Variants in RABGEF1 observed in about 807,000 individuals in gnomAD.
The protein encoded by RABGEF1 is RAB guanine nucleotide exchange factor 1.
A neutral mutation model predicts 57.3 loss-of-function variants in RABGEF1; 26 were observed. That is an observed-to-expected ratio of 0.45 (90% CI 0.33 to 0.63). RABGEF1 has a LOEUF of 0.63. Ranked by LOEUF, RABGEF1 falls within the 20% of genes least tolerant of loss-of-function variation. RABGEF1 has a pLI of 0.02. For synonymous variants in RABGEF1, 185 were observed against 210.7 expected (o/e 0.88, Z 1.06); for missense variants, 464 against 607.6 (o/e 0.76, Z 2.48).
chr7:66,766,837 G>T (rs985163992), intron 1 of RABGEF1, among the ~76,000 whole-genome samples: 1 of 151,848 alleles, frequency 6.6e-6, no homozygotes, highest in African/African-American at 2.4e-5. Context: ...CGATTCTTGT[G>T]CCTCAGCCTC....
chr7:66,749,742 C>T (rs541327124), intron 1 of RABGEF1, among the ~76,000 whole-genome samples: 17 of 152,182 alleles, frequency 1.1e-4, no homozygotes, highest in South Asian at 4.1e-4. Flanking sequence ...GAGGCCAAGG[C>T]GGGCGGATCA....
At chr7:66,807,901 C>T (rs1788779407) in intron 8 of RABGEF1, 1 of 152,120 alleles carries the variant, frequency 6.6e-6, no homozygotes, top group Non-Finnish European at 1.5e-5. Flanking sequence ...GCAATCCTCC[C>T]ACCTCGGCCT....
At chr7:66,734,597 A>ATTT (rs550927387) in intron 2 of RABGEF1, among the ~76,000 whole-genome samples, 11 of 119,710 alleles carry the variant, frequency 9.2e-5, no homozygotes, top group Admixed American at 4.2e-4. Flanking sequence ...TGCCTGGCTA[A>ATTT]TTTTTTTTTT....
At chr7:66,668,770 T>A in the RABGEF1 span, 1 of 152,322 alleles carries the variant, frequency 6.6e-6, no homozygotes, top group Non-Finnish European at 1.5e-5. Flanking sequence ...GAAGATCACC[T>A]CTTAGGCAGA....
upstream of RABGEF1, among the ~76,000 whole-genome samples, chr7:66,680,440 C>T (rs372040491): frequency 7.8e-4 from 119 of 152,056 alleles, no homozygotes; most frequent in African/African-American, 2.8e-3. Flanking sequence ...GACAGGGTTT[C>T]TCTCTGTTGG....
chr7:66,742,078 G>C (rs1249359099), intron 1 of RABGEF1, among the ~76,000 whole-genome samples: 1 of 152,050 alleles, frequency 6.6e-6, no homozygotes. Flanking sequence ...ATGAACCCGG[G>C]AGGCGGAGGT....
intron 2 of RABGEF1, among the ~76,000 whole-genome samples, chr7:66,735,353 A>G (rs977214326): frequency 6.6e-6 from 1 of 152,216 alleles, no homozygotes; most frequent in African/African-American, 2.4e-5. Context: ...TGTTTTATGG[A>G]AGACTTTATA....
At chr7:66,728,143 T>C (rs1796804756) in intron 2 of RABGEF1, among the ~76,000 whole-genome samples, 1 of 152,158 alleles carries the variant, frequency 6.6e-6, no homozygotes, top group Non-Finnish European at 1.5e-5. Flanking sequence ...TTACAATCCT[T>C]CCTGGCTGTG....
chr7:66,747,303 T>C (rs1278177157), intron 1 of RABGEF1, among the ~76,000 whole-genome samples: 1 of 152,228 alleles, frequency 6.6e-6, no homozygotes, highest in Admixed American at 6.5e-5. Context: ...AGCAGATTGC[T>C]GAAATCTCTG....
the RABGEF1 span, among the ~76,000 whole-genome samples, chr7:66,655,174 G>C: frequency 6.6e-6 from 1 of 152,364 alleles, no homozygotes; most frequent in Middle Eastern, 3.4e-3. Context: ...GGGATTTGAA[G>C]CCTGTGGTCC....
At chr7:66,683,997 G>C (rs570588758) in intron 1 of RABGEF1, among the ~76,000 whole-genome samples, 2 of 152,272 alleles carry the variant, frequency 1.3e-5, no homozygotes, top group Admixed American at 6.5e-5. Context: ...CGCCTCAAGT[G>C]TCCCAATGTG....
intron 2 of RABGEF1, among the ~76,000 whole-genome samples, chr7:66,712,823 CT>C (rs199734132): frequency 4.3e-4 from 61 of 140,248 alleles, no homozygotes; most frequent in Admixed American, 4.3e-4. Context: ...ATTTCCTTTC[CT>C]TTTTTTTTTT....
chr7:66,737,432 C>T (rs1016468720), upstream of RABGEF1, among the ~76,000 whole-genome samples: 20 of 148,336 alleles, frequency 1.3e-4, no homozygotes, highest in African/African-American at 4.1e-4. Context: ...CTACGCAATA[C>T]GAGACTGGGT....
chr7:66,663,674 T>C, the RABGEF1 span, among the ~76,000 whole-genome samples: 1 of 150,540 alleles, frequency 6.6e-6, no homozygotes, highest in African/African-American at 2.4e-5. Flanking sequence ...CGCACCAGCA[T>C]GGCACATGTA....
intron 4 of RABGEF1, among the ~76,000 whole-genome samples, chr7:66,790,655 G>T (rs1812431095): frequency 6.6e-6 from 1 of 152,162 alleles, no homozygotes; most frequent in African/African-American, 2.4e-5. Context: ...ATGAAAAGCT[G>T]GTTGATGTTT....
At chr7:66,760,250 T>A (rs533709719) in intron 1 of RABGEF1, among the ~76,000 whole-genome samples, 57 of 152,352 alleles carry the variant, frequency 3.7e-4, no homozygotes, top group African/African-American at 1.3e-3. Context: ...TGTGGTTTTG[T>A]CATTTGGAAA....
At chr7:66,687,465 A>C (rs1268663377) in intron 1 of RABGEF1, among the ~76,000 whole-genome samples, 1 of 147,252 alleles carries the variant, frequency 6.8e-6, no homozygotes, top group East Asian at 2.0e-4. Flanking sequence ...AAGAGAAGTA[A>C]ATTTCTGTTG....
chr7:66,727,136 C>T (rs1402381214), intron 2 of RABGEF1, among the ~76,000 whole-genome samples: 3 of 152,140 alleles, frequency 2.0e-5, no homozygotes, highest in Admixed American at 2.0e-4. Context: ...TACAATAAAG[C>T]TATTCTTTTA....
intron 4 of RABGEF1, among the ~76,000 whole-genome samples, chr7:66,785,612 C>T (rs1206249272): frequency 3.9e-5 from 6 of 152,212 alleles, no homozygotes; most frequent in East Asian, 1.9e-4. Context: ...CGGTGGCTCA[C>T]GCCTGTAATC....
Sources: gnomAD v4.1 joint callset for allele counts (sites outside exome capture counted in the v4.1 genomes callset) on GRCh38, gnomAD v4.1.1 for gene constraint, MANE v1.5 for transcripts, NCBI Gene and HGNC (gene_info 2026-07-23, HGNC 2026-07-21) for gene names.